RELCH: variants seen among roughly 807,000 people sequenced by gnomAD.
RELCH encodes RAB11 binding and LisH domain, coiled-coil and HEAT repeat containing.
Under a neutral mutation model 150.3 loss-of-function variants are expected in RELCH, and 41 were observed. That is an observed-to-expected ratio of 0.27 (90% CI 0.21 to 0.35). The LOEUF (loss-of-function observed/expected upper bound fraction) is 0.35, where lower values mean the gene tolerates loss of function less well. RELCH is among the 10% of genes least tolerant of loss of function. The pLI is 1.00. For synonymous variants in RELCH, 478 were observed against 531.8 expected (o/e 0.90, Z 1.39); for missense variants, 1,092 against 1,467.8 (o/e 0.74, Z 4.18).
chr18:62,253,023 G>T (rs2042804804), intron 12 of RELCH, among the ~76,000 whole-genome samples: 1 of 152,086 alleles, frequency 6.6e-6, no homozygotes, highest in Non-Finnish European at 1.5e-5. Flanking sequence ...AAAAGACAAA[G>T]ACATCCTAAT....
chr18:62,228,995 CT>C lies in RELCH; in HGVS notation c.1448+406del, dbSNP rs886212015. The stretch of plus-strand genomic sequence containing the variant: ...AAAGAAGGAATAATTTTTGCTCCTA[CT>C]TTTTTTTTCCTGTGTCTGCTTCCAT... On this transcript the variant is annotated intron_variant, in intron 8 of 28. Transcript: ENST00000644646. Among the ~76,000 whole-genome samples, 150 of 151,440 alleles carry C rather than the reference CT, an allele frequency of 9.9e-4. 1 individual carries two copies. The highest frequency in any genetic ancestry group is 3.5e-3 in the African/African-American group (143 of 41,322).
intron 26 of RELCH, among the ~76,000 whole-genome samples, chr18:62,288,016 G>T (rs1280225681): frequency 6.6e-6 from 1 of 152,060 alleles, no homozygotes; most frequent in Non-Finnish European, 1.5e-5. Context: ...TTAAACTAAG[G>T]CTTAAAGACA....
intron 27 of RELCH, among the ~76,000 whole-genome samples, chr18:62,295,364 G>C (rs917345280): frequency 6.8e-6 from 1 of 147,950 alleles, no homozygotes; most frequent in African/African-American, 2.5e-5. Flanking sequence ...TTTTGAATAG[G>C]GATTTATCAG....
At chr18:62,226,629 A>T (rs2041233726) in intron 5 of RELCH, among the ~76,000 whole-genome samples, 1 of 152,132 alleles carries the variant, frequency 6.6e-6, no homozygotes, top group Non-Finnish European at 1.5e-5. Flanking sequence ...TTATGATGTC[A>T]TGCAAATATT....
rs182138454 is a variant in RELCH, at chr18:62,290,032, C to G, written c.3371-1511C>G. 1.4e-3 allele frequency among the ~76,000 whole-genome samples: 218 copies of G among 152,264 alleles called. 2 individuals carry two copies. The highest frequency in any genetic ancestry group is 4.7e-4 in the Non-Finnish European group (32 of 68,014). Reference sequence around the variant, plus strand: ...CATTAGGTTGTAGCCCTCTATATGTCTATAGGGATTTGGTTTGACCAAATG... The same window carrying G: ...CATTAGGTTGTAGCCCTCTATATGTGTATAGGGATTTGGTTTGACCAAATG... On this transcript the variant is annotated intron_variant, in intron 26 of 28. Transcript: ENST00000644646.
chr18:62,245,608 C>T (rs2042368504), intron 11 of RELCH, among the ~76,000 whole-genome samples: 1 of 151,952 alleles, frequency 6.6e-6, no homozygotes, highest in Admixed American at 6.6e-5. Context: ...GCCTGGGAGA[C>T]AAGAGTGAAA....
At chr18:62,217,369 A>G (rs1266647270) in intron 2 of RELCH, among the ~76,000 whole-genome samples, 1 of 152,044 alleles carries the variant, frequency 6.6e-6, no homozygotes, top group African/African-American at 2.4e-5. Flanking sequence ...GGTCTGAACT[A>G]TGACAATTGC....
At chr18:62,266,869 CTT>C in intron 19 of RELCH, 120 bp downstream of exon 19, 3 of 609,362 alleles carry the variant, frequency 4.9e-6, no homozygotes, top group African/African-American at 1.9e-5. Context: ...AAAAGGAAAA[CTT>C]ATATTATGGA....
chr18:62,254,628 C>T (rs1172779408), intron 12 of RELCH: 1 of 152,116 alleles, frequency 6.6e-6, no homozygotes, highest in East Asian at 1.9e-4. Flanking sequence ...GGGGATCTAT[C>T]TAGCCGCCTA....
At position 62,264,013 on chromosome 18, in the gene RELCH, C is replaced by T. The variant is rs768803416; in HGVS notation, c.2375C>T (p.Ser792Leu). 146 of 1,607,722 alleles carry T rather than the reference C, an allele frequency of 9.1e-5. No individual in the cohort carries two copies. Among genetic ancestry groups the T allele is most frequent in the Non-Finnish European group, 1.2e-4 (142 of 1,177,314 alleles). Residue 792 changes from serine (S) to leucine (L), a missense_variant, in exon 17 of 29, where the codon TCG (serine) becomes TTG (leucine). Physicochemically the swap from Ser to Leu is moderately radical, Grantham distance 145. This residue lies in a region of RELCH where 707 missense variants were observed against 1,025.4 expected (regional missense o/e 0.69). Coordinates refer to ENST00000644646, the MANE Select transcript of RELCH (RefSeq NM_001346231.2). ...GTGACTAGGTTTCCTCGGCCTATGTCGCCTCTTCAAGATGTGTCCACTATT... is the reference window on the plus strand; with the variant it reads ...GTGACTAGGTTTCCTCGGCCTATGTTGCCTCTTCAAGATGTGTCCACTATT... ...IEVTRFPRPM[S>L]PLQDVSTIIG... is the part of the protein sequence containing the mutation.
intron 20 of RELCH, among the ~76,000 whole-genome samples, chr18:62,273,715 A>G (rs2044037398): frequency 1.3e-5 from 2 of 152,168 alleles, no homozygotes; most frequent in South Asian, 4.1e-4. Flanking sequence ...ATAATTTCTT[A>G]TTTAAATTTA....
chr18:62,187,883 G>A lies in RELCH; in HGVS notation c.378G>A (p.Arg126=), dbSNP rs2038242314. The A allele has an allele frequency of 1.3e-6, 2 of 1,594,244 alleles. No individual in the cohort carries two copies. The highest frequency in any genetic ancestry group is 1.3e-5 in the African/African-American group (1 of 74,784). ...TAGAGAGTGGCCGGGAGCTGCCTCG[G>A]CTGCGCGACTACTTCTCCAATCCAG... The part of the protein sequence containing the change: ...ELLESGRELP[R]LRDYFSNPGN... Residue 126 remains arginine, a synonymous_variant, in exon 1 of 29, where the codon CGG becomes CGA. Coordinates refer to ENST00000644646, the MANE Select transcript of RELCH (RefSeq NM_001346231.2).
At chr18:62,237,508 C>G (rs1378247929) in intron 10 of RELCH, among the ~76,000 whole-genome samples, 2 of 151,772 alleles carry the variant, frequency 1.3e-5, no homozygotes, top group Non-Finnish European at 3.0e-5. Context: ...CTATGCACTA[C>G]TCTCTACTTT....
rs530054682 is a variant in RELCH at position 62,214,736 on chromosome 18, G to A, written c.616+3494G>A. 1.6e-4 allele frequency among the ~76,000 whole-genome samples: 24 copies of A among 152,296 alleles called. 1 individual carries two copies. Among genetic ancestry groups the A allele is most frequent in the African/African-American group, 4.8e-4 (20 of 41,564 alleles). On this transcript the variant is annotated intron_variant, in intron 2 of 28. Transcript: ENST00000644646. Reference sequence around the variant, plus strand: ...CCAAAGCTTACTGCTTGCACCCTCTGGAGCTGCACCACAAGCCTCACTTGG... The same window carrying A: ...CCAAAGCTTACTGCTTGCACCCTCTAGAGCTGCACCACAAGCCTCACTTGG...
rs2044870950 is a variant in RELCH at position 62,287,450 on chromosome 18, G to A, written c.3353G>A (p.Ser1118Asn). ...DIATHLFEAY[S>N]ALSCCFISED... The stretch of plus-strand genomic sequence containing the variant: ...GCTACGCATCTTTTTGAAGCCTACA[G>A]TGCACTTTCCTGTTGTTGTATCCTT... The change falls in exon 26 of 29, where the codon AGT becomes AAT. Residue 1118 changes from serine (S) to asparagine (N), a missense_variant. By Grantham distance (46) the Ser-to-Asn change is conservative. Coordinates refer to ENST00000644646, the MANE Select transcript of RELCH (RefSeq NM_001346231.2). 3.2e-6 allele frequency: 5 copies of A among 1,579,718 alleles called. No individual in the cohort carries two copies. In the South Asian group the frequency reaches 3.3e-5, roughly 11 times the overall value.
intron 26 of RELCH, among the ~76,000 whole-genome samples, chr18:62,289,136 G>A (rs1481376114): frequency 6.6e-6 from 1 of 152,126 alleles, no homozygotes; most frequent in Non-Finnish European, 1.5e-5. Flanking sequence ...ATTATTGTGT[G>A]TTTAGACATG....
At chr18:62,255,518 A>C in intron 13 of RELCH, 40 bp downstream of exon 13, 1 of 1,438,182 alleles carries the variant, frequency 7.0e-7, no homozygotes, top group Non-Finnish European at 9.6e-7. Flanking sequence ...CTATTTTTCC[A>C]ATAATAGAAA....
intron 23 of RELCH, 168 bp from the exon 24 acceptor site, chr18:62,280,474 CCTGT>C (rs1374449133): frequency 5.1e-6 from 8 of 1,579,372 alleles, no homozygotes; most frequent in African/African-American, 2.7e-5. Context: ...CTTAAGTTAT[CCTGT>C]CTGTCTTTTT....
intron 2 of RELCH, among the ~76,000 whole-genome samples, chr18:62,214,890 C>A (rs955355704): frequency 1.3e-5 from 2 of 152,020 alleles, no homozygotes; most frequent in Admixed American, 6.6e-5. Flanking sequence ...AACTACTCTA[C>A]CCCCCTAGAA....
Sources: gnomAD v4.1 joint callset for allele counts (sites outside exome capture counted in the v4.1 genomes callset) on GRCh38, gnomAD v4.1.1 for gene constraint, gnomAD v4.1.1 regional missense constraint, MANE v1.5 for transcripts, NCBI Gene and HGNC (gene_info 2026-07-23, HGNC 2026-07-21) for gene names.